CHD9: variants seen among roughly 807,000 people sequenced by gnomAD.
CHD9 encodes the protein ATP-dependent chromatin remodeler CHD9.
Under a neutral mutation model 316.1 loss-of-function variants are expected in CHD9, and 77 were observed. That is an observed-to-expected ratio of 0.24 (90% CI 0.20 to 0.29). CHD9 has a LOEUF of 0.29. CHD9 is among the 10% of genes least tolerant of loss of function. CHD9 has a pLI of 1.00. For missense variants in CHD9, 2,763 were observed against 3,438.1 expected (o/e 0.80, Z 4.91); for synonymous variants, 1,129 against 1,158.3 (o/e 0.97, Z 0.51).
intron 1 of CHD9, among the ~76,000 whole-genome samples, chr16:53,082,128 A>G (rs1483096452): frequency 6.6e-6 from 1 of 152,176 alleles, no homozygotes; most frequent in Admixed American, 6.5e-5. Context: ...AGGAGGAAGG[A>G]CTATTTTCCA....
chr16:53,208,195 T>C, intron 2 of CHD9: 1 of 1,146,008 alleles, frequency 8.7e-7, no homozygotes, highest in South Asian at 1.8e-5. Context: ...TGTGGAGGGT[T>C]GTGCATCTCT....
chr16:53,066,596 A>C (rs1596860105), intron 1 of CHD9, among the ~76,000 whole-genome samples: 1 of 152,164 alleles, frequency 6.6e-6, no homozygotes, highest in Admixed American at 6.5e-5. Flanking sequence ...CTCTTGCCCT[A>C]GGAAGGCTGC....
At chr16:53,274,371 T>G in intron 24 of CHD9, 69 bp downstream of exon 24, 1 of 892,270 alleles carries the variant, frequency 1.1e-6, no homozygotes, top group Non-Finnish European at 1.7e-6. Context: ...AGCTCCTGGG[T>G]TCAAGCGATC....
chr16:53,274,253 G>T lies in CHD9; in HGVS notation c.4918G>T (p.Glu1640Ter), dbSNP rs767991192. 6.2e-7 allele frequency: 1 copy of T among 1,600,716 alleles called. No individual in the cohort carries two copies. The change falls in exon 24 of 39, where the codon GAA (glutamate) becomes TAA (stop). Residue 1640 changes from glutamate to a stop codon, truncating the protein, a stop_gained. Coordinates refer to ENST00000447540, the MANE Select transcript of CHD9 (RefSeq NM_001308319.2). LOFTEE classifies it high-confidence loss of function. ...RVRMLYYLKQ[E>*]VIGNECQKVF... Reference sequence around the variant, plus strand: ...GAGAATGCTGTATTATCTAAAGCAAGAAGTTATTGGAAATGAGTGTCAGAA... The same window carrying T: ...GAGAATGCTGTATTATCTAAAGCAATAAGTTATTGGAAATGAGTGTCAGAA...
At chr16:53,083,103 G>C (rs1327739697) in intron 1 of CHD9, among the ~76,000 whole-genome samples, 1 of 152,214 alleles carries the variant, frequency 6.6e-6, no homozygotes, top group Non-Finnish European at 1.5e-5. Flanking sequence ...GTGTGTTGAG[G>C]AGATGGGAGA....
intron 2 of CHD9, among the ~76,000 whole-genome samples, chr16:53,164,344 C>T (rs955580647): frequency 1.3e-5 from 2 of 152,056 alleles, no homozygotes. Flanking sequence ...GAGATGGAGG[C>T]AAGAGGATCA....
At chr16:53,233,006 A>G (rs983777454) in intron 10 of CHD9, among the ~76,000 whole-genome samples, 7 of 152,194 alleles carry the variant, frequency 4.6e-5, no homozygotes, top group Admixed American at 1.3e-4. Flanking sequence ...TATGTGGGGA[A>G]TTCTTCCGAC....
At chr16:53,126,344 A>G (rs1769614982) in intron 1 of CHD9, among the ~76,000 whole-genome samples, 1 of 152,186 alleles carries the variant, frequency 6.6e-6, no homozygotes, top group Non-Finnish European at 1.5e-5. Context: ...CTGAAAATCA[A>G]TTGACCATCA....
chr16:53,057,654 C>CA (rs879298093), intron 1 of CHD9, among the ~76,000 whole-genome samples: 76 of 129,650 alleles, frequency 5.9e-4, no homozygotes, highest in Middle Eastern at 4.0e-3. Context: ...AACTCCATCT[C>CA]AAAAAAAAAA....
At chr16:53,148,966 GT>G in intron 1 of CHD9, among the ~76,000 whole-genome samples, 1 of 152,102 alleles carries the variant, frequency 6.6e-6, no homozygotes, top group Non-Finnish European at 1.5e-5. Flanking sequence ...GCTATATTGC[GT>G]TTCAATTTTC....
At chr16:53,209,442 A>T in intron 2 of CHD9, 40 bp from the exon 3 acceptor site, 10 of 1,299,352 alleles carry the variant, frequency 7.7e-6, no homozygotes, top group South Asian at 4.4e-5. Context: ...TTTTAGATGT[A>T]CTTTGGTATA....
At chr16:53,102,367 A>G (rs1472412406) in intron 1 of CHD9, among the ~76,000 whole-genome samples, 1 of 151,782 alleles carries the variant, frequency 6.6e-6, no homozygotes, top group Non-Finnish European at 1.5e-5. Context: ...AATAATAATT[A>G]TTATTATTAT....
At chr16:53,287,465 C>T (rs1174467968) in intron 26 of CHD9, among the ~76,000 whole-genome samples, 1 of 152,198 alleles carries the variant, frequency 6.6e-6, no homozygotes, top group Non-Finnish European at 1.5e-5. Context: ...CACTTGCTCA[C>T]GCCTGTAATC....
Position 53,264,345 on chromosome 16 carries a change from A to G in CHD9, c.4320+1248A>G, listed in dbSNP as rs374390750. Among the ~76,000 whole-genome samples, 9 of 152,292 alleles carry G rather than the reference A, an allele frequency of 5.9e-5. No homozygotes were observed. In the East Asian group the frequency reaches 1.5e-3, roughly 26 times the overall value. On this transcript the variant is annotated intron_variant, in intron 20 of 38. Transcript: ENST00000447540. ...AATATAGTACAGTGATACTCATTGC[A>G]GCATTTTTTGTTATAGCAAAAATTT...
intron 17 of CHD9, among the ~76,000 whole-genome samples, chr16:53,251,058 C>G (rs2050087017): frequency 6.6e-6 from 1 of 151,988 alleles, no homozygotes; most frequent in Non-Finnish European, 1.5e-5. Context: ...AAAGATTATC[C>G]AAAATTAATA....
At chr16:53,239,570 C>T (rs2048914956) in intron 12 of CHD9, among the ~76,000 whole-genome samples, 1 of 152,132 alleles carries the variant, frequency 6.6e-6, no homozygotes, top group Admixed American at 6.5e-5. Flanking sequence ...TATCTCCTGG[C>T]ACCCTACACT....
At chr16:53,239,128 C>G (rs923293494) in intron 12 of CHD9, among the ~76,000 whole-genome samples, 12 of 152,032 alleles carry the variant, frequency 7.9e-5, no homozygotes, top group Admixed American at 7.9e-4. Context: ...TTTCAGTACT[C>G]TAGTGGTTTG....
At position 53,156,746 on chromosome 16, in the gene CHD9, A is replaced by G. The variant is rs374355186; in HGVS notation, c.657A>G (p.Ala219=). ...ACCACCCACCACAGATGACTAATGCATCTAATTCACAACAGTCTATTTCAA... is the reference window on the plus strand; with the variant it reads ...ACCACCCACCACAGATGACTAATGCGTCTAATTCACAACAGTCTATTTCAA... ...NVNHPPQMTN[A]SNSQQSISMQ... The change falls in exon 2 of 39, where the codon GCA becomes GCG. Residue 219 remains alanine, a synonymous_variant. Transcript: ENST00000447540. 3.1e-6 allele frequency: 5 copies of G among 1,613,746 alleles called. No homozygotes were observed. Among genetic ancestry groups the G allele is most frequent in the Non-Finnish European group, 4.2e-6 (5 of 1,179,784 alleles).
At chr16:53,148,443 A>G (rs927616552) in intron 1 of CHD9, among the ~76,000 whole-genome samples, 1 of 152,160 alleles carries the variant, frequency 6.6e-6, no homozygotes, top group African/African-American at 2.4e-5. Flanking sequence ...TATTTTCCAC[A>G]GTGGCTATAC....
Sources: allele counts gnomAD v4.1 joint callset (sites outside exome capture counted in the v4.1 genomes callset), GRCh38; gene constraint gnomAD v4.1.1; transcripts MANE v1.5; gene names NCBI Gene and HGNC (gene_info 2026-07-23, HGNC 2026-07-21).